THRA: variants seen among roughly 807,000 people sequenced by gnomAD.
THRA encodes the protein thyroid hormone receptor alpha.
Under a neutral mutation model 45.0 loss-of-function variants are expected in THRA, and 13 were observed. The observed-to-expected ratio is 0.29, with a 90% CI of 0.19 to 0.46. THRA has a LOEUF of 0.46. Among genes scored for constraint, THRA ranks in the 20% least tolerant of loss-of-function variants. The pLI is 1.00. For missense variants in THRA, 278 were observed against 556.1 expected (o/e 0.50, Z 5.03); for synonymous variants, 195 against 214.0 (o/e 0.91, Z 0.78).
rs534821465 is a variant in THRA, at chr17:40,064,712, G to T, written c.-298+1620G>T. 2.5e-4 allele frequency among the ~76,000 whole-genome samples: 38 copies of T among 152,312 alleles called. No homozygotes were observed. In the South Asian group the frequency reaches 3.5e-3, roughly 14 times the overall value. On this transcript the variant is annotated intron_variant, in intron 1 of 8. Coordinates refer to ENST00000450525, the MANE Select transcript of THRA (RefSeq NM_199334.5). ...TAGACAGTGAGCTCTTGGAGACCTG[G>T]GAGAATCACTTAAAGAGCTCTGGAT...
intron 7 of THRA, among the ~76,000 whole-genome samples, chr17:40,087,825 C>T (rs1189946570): frequency 2.0e-5 from 3 of 152,182 alleles, no homozygotes; most frequent in Non-Finnish European, 4.4e-5. Flanking sequence ...GTGACGCGAT[C>T]TGGGCTCACT....
intron 4 of THRA, among the ~76,000 whole-genome samples, chr17:40,080,055 C>T (rs1213187445): frequency 2.7e-5 from 4 of 150,790 alleles, no homozygotes; most frequent in Non-Finnish European, 4.4e-5. Flanking sequence ...GGTGACAGAG[C>T]GACAGAGTGA....
In THRA at chr17:40,088,631, C is replaced by G. The variant is rs1987418950; in HGVS notation, c.982+131C>G. The G allele has an allele frequency of 7.7e-6, 9 of 1,162,842 alleles. No homozygotes were observed. The Admixed American group carries it at 2.1e-4, about 27-fold the overall frequency. 72.0% of individuals were successfully genotyped at this position (1,162,842 alleles called of 1,614,324 possible). On this transcript the variant is annotated intron_variant, in intron 8 of 8. Coordinates refer to ENST00000450525, the MANE Select transcript of THRA (RefSeq NM_199334.5). ...ACCTCTCTGTCACCTGGGCCATCCC[C>G]TATCCCCTGTTCCTTGCTCTGTCAC...
chr17:40,064,914 C>T (rs1319816869), intron 1 of THRA, among the ~76,000 whole-genome samples: 1 of 152,232 alleles, frequency 6.6e-6, no homozygotes. Context: ...CGTGTCCACA[C>T]AACCCCAGAT....
chr17:40,070,775 C>T (rs1986746787), intron 1 of THRA, among the ~76,000 whole-genome samples: 1 of 152,010 alleles, frequency 6.6e-6, no homozygotes, highest in Non-Finnish European at 1.5e-5. Flanking sequence ...CATGCCAGGC[C>T]ACCAAGAACC....
intron 4 of THRA, among the ~76,000 whole-genome samples, chr17:40,083,337 G>T (rs1346207913): frequency 6.6e-6 from 1 of 152,030 alleles, no homozygotes; most frequent in African/African-American, 2.4e-5. Context: ...AAAGTTCTGG[G>T]ATTATAGGCA....
intron 6 of THRA, 125 bp downstream of exon 6, chr17:40,084,940 C>A: frequency 9.6e-7 from 1 of 1,042,616 alleles, no homozygotes; most frequent in Non-Finnish European, 1.4e-6. Flanking sequence ...ATACTCTTCA[C>A]ACTTTTGCTG....
Position 40,092,807 on chromosome 17 carries a change from T to C in THRA, c.*3351T>C, listed in dbSNP as rs199744223. ...CAGAAGCCAGCTCAGCTGTGAACTA[T>C]TGGATTTGAGACAGGAACAGAACAA... is the stretch of plus-strand genomic sequence containing the variant. On this transcript the variant is annotated 3_prime_UTR_variant, in exon 9 of 9. Coordinates refer to ENST00000450525, the MANE Select transcript of THRA (RefSeq NM_199334.5). The C allele has an allele frequency of 6.8e-5, 45 of 664,644 alleles. No individual in the cohort carries two copies. Among genetic ancestry groups the C allele is most frequent in the Middle Eastern group, 4.4e-4 (1 of 2,256 alleles). 41.2% of individuals were successfully genotyped at this position (664,644 alleles called of 1,614,324 possible).
chr17:40,062,368 A>C (rs1430594897), upstream of THRA: 5 of 152,116 alleles, frequency 3.3e-5, no homozygotes, highest in African/African-American at 1.2e-4. Context: ...TTGAAGTTAA[A>C]AGGACATCAG....
chr17:40,077,139 G>A (rs1276625834), intron 3 of THRA, among the ~76,000 whole-genome samples: 2 of 152,072 alleles, frequency 1.3e-5, no homozygotes, highest in African/African-American at 4.8e-5. Flanking sequence ...AGGTCAGGAC[G>A]GCCTCTTCCC....
Position 40,089,460 on chromosome 17 carries a change from C to T in THRA, c.*4C>T, listed in dbSNP as rs1186894783. On this transcript the variant is annotated 3_prime_UTR_variant, in exon 9 of 9. Transcript: ENST00000450525. This position sits in a 1 kb window ranked among gnomAD's most constrained non-coding sequence, Gnocchi z 6.1. ...CTTTGAGGATCAGGAAGTCTAAAGC[C>T]TCAGGCGGCCAGAGGGTGTGCGGAG... The T allele has an allele frequency of 3.1e-6, 5 of 1,613,886 alleles. No individual in the cohort carries two copies. The highest frequency in any genetic ancestry group is 4.2e-6 in the Non-Finnish European group (5 of 1,179,880).
downstream of THRA, chr17:40,093,055 G>A: frequency 6.2e-7 from 1 of 1,614,152 alleles, no homozygotes; most frequent in Non-Finnish European, 8.5e-7. This position sits in a 1 kb window ranked among gnomAD's most constrained non-coding sequence, Gnocchi z 5.9. Flanking sequence ...TGTACAAGGG[G>A]GCAGCGGCAG....
intron 6 of THRA, 97 bp from the exon 7 acceptor site, chr17:40,086,610 C>T: frequency 1.3e-6 from 2 of 1,502,160 alleles, no homozygotes; most frequent in East Asian, 2.3e-5. Context: ...GCCCCTCTTC[C>T]CCAAGCTGCC....
At chr17:40,093,010 T>C, downstream of THRA, 1 of 1,600,738 alleles carries the variant, frequency 6.2e-7, no homozygotes, top group Non-Finnish European at 8.5e-7. The surrounding 1 kb of genome is among the most constrained non-coding windows in gnomAD (Gnocchi z 5.9). Context: ...TTCCTTTTCG[T>C]CTCGTAAAGG....
Position 40,086,826 on chromosome 17 carries a change from T to C in THRA, c.696T>C (p.Phe232=). ...CGGCCATCACCCGTGTGGTGGACTT[T>C]GCCAAAAAACTGCCCATGTTCTCCG... ...ITPAITRVVD[F]AKKLPMFSEL... is the part of the protein sequence containing the mutation. The change falls in exon 7 of 9, where the codon TTT becomes TTC. Residue 232 remains phenylalanine (F), a synonymous_variant. Transcript: ENST00000450525. 1.2e-6 allele frequency: 2 copies of C among 1,614,094 alleles called. No individual in the cohort carries two copies. Among genetic ancestry groups the C allele is most frequent in the Non-Finnish European group, 1.7e-6 (2 of 1,180,020 alleles).
chr17:40,084,693 C>A lies in THRA; in HGVS notation c.454C>A (p.Arg152=), dbSNP rs746608683. The A allele has an allele frequency of 1.2e-6, 2 of 1,614,054 alleles. No individual in the cohort carries two copies. The highest frequency in any genetic ancestry group is 2.2e-5 in the South Asian group (2 of 91,082). ...GCGGCGGCGGAAGGAGGAGATGATC[C>A]GATCACTGCAGCAGCGACCAGAGCC... is the stretch of plus-strand genomic sequence containing the variant. ...RERRRKEEMI[R]SLQQRPEPTP... Residue 152 remains arginine, a synonymous_variant, in exon 6 of 9, where the codon CGA becomes AGA. Transcript: ENST00000450525.
chr17:40,069,204 A>G (rs1274782415), intron 1 of THRA, among the ~76,000 whole-genome samples: 1 of 123,342 alleles, frequency 8.1e-6, no homozygotes, highest in Non-Finnish European at 1.7e-5. Flanking sequence ...TCACACACAC[A>G]CTCTCAATCT....
At chr17:40,087,484 C>T (rs1007712507) in intron 7 of THRA, among the ~76,000 whole-genome samples, 1 of 151,918 alleles carries the variant, frequency 6.6e-6, no homozygotes, top group African/African-American at 2.4e-5. Context: ...AACACACAGG[C>T]ACACACACAC....
In THRA at chr17:40,065,815, T is replaced by C. The variant is rs561814906; in HGVS notation, c.-298+2723T>C. Among the ~76,000 whole-genome samples the C allele has an allele frequency of 2.0e-5, 3 of 151,998 alleles. No homozygotes were observed. In the South Asian group the frequency reaches 6.2e-4, roughly 32 times the overall value. On this transcript the variant is annotated intron_variant, in intron 1 of 8. Coordinates refer to ENST00000450525, the MANE Select transcript of THRA (RefSeq NM_199334.5). ...ACTGCCCATGCTGACCCCTCGGGCC[T>C]GCATGTCTGGAGACACCAGTTCTGT...
Sources: allele counts gnomAD v4.1 joint callset (sites outside exome capture counted in the v4.1 genomes callset), GRCh38; gene constraint gnomAD v4.1.1; non-coding constraint Gnocchi (gnomAD v3.1); transcripts MANE v1.5; gene names NCBI Gene and HGNC (gene_info 2026-07-23, HGNC 2026-07-21).